ZNF431: variants seen among roughly 807,000 people sequenced by gnomAD.
ZNF431 encodes the protein zinc finger protein 431.
A neutral mutation model predicts 57.0 loss-of-function variants in ZNF431; 34 were observed. That is an observed-to-expected ratio of 0.60 (90% confidence interval 0.45 to 0.79). The LOEUF is 0.79. ZNF431 is among the 30% of genes least tolerant of loss of function. ZNF431 has a pLI of 0.00. For missense variants in ZNF431, 607 were observed against 667.1 expected, an observed-to-expected ratio of 0.91 and a Z score of 0.99; for synonymous variants, 207 against 220.3, an observed-to-expected ratio of 0.94 and a Z score of 0.54.
chr19:21,176,502 C>T (rs1470085530), intron 4 of ZNF431, among the ~76,000 whole-genome samples: 3 of 151,978 alleles, frequency 2.0e-5, no homozygotes, highest in Non-Finnish European at 2.9e-5. Context: ...CTCGGCCTCC[C>T]AAAGTGCTGG....
Position 21,190,839 on chromosome 19 carries a change from T to C in ZNF431, c.*6805T>C, listed in dbSNP as rs535518577. The C allele has an allele frequency of 2.0e-5, 3 of 152,150 alleles. No homozygotes were observed. The South Asian group carries it at 6.2e-4, about 32-fold the overall frequency. The allele number at this position is 152,150 out of a possible 1,614,324, so 9.4% of individuals were successfully genotyped here. On this transcript the variant is annotated 3_prime_UTR_variant, in exon 5 of 5. Coordinates refer to ENST00000311048, the MANE Select transcript of ZNF431 (RefSeq NM_133473.4). ...ACTGCGCCCAGCTAATTTTGTATTTTTAGTAGAGACGGGGTTTTTCTATAT... is the reference window on the plus strand; with the variant it reads ...ACTGCGCCCAGCTAATTTTGTATTTCTAGTAGAGACGGGGTTTTTCTATAT...
intron 2 of ZNF431, among the ~76,000 whole-genome samples, chr19:21,160,039 A>G (rs1970530827): frequency 7.0e-6 from 1 of 143,076 alleles, no homozygotes; most frequent in African/African-American, 2.6e-5. Context: ...AACAGCCTCT[A>G]TGAGGAGATT....
chr19:21,156,334 C>T (rs1390962595), intron 2 of ZNF431, among the ~76,000 whole-genome samples: 2 of 152,108 alleles, frequency 1.3e-5, no homozygotes, highest in African/African-American at 4.8e-5. Context: ...ACTCCTTGCA[C>T]CTACATTGCA....
chr19:21,167,504 G>A (rs1047992671), intron 3 of ZNF431, 67 bp from the exon 4 acceptor site: 1 of 1,176,742 alleles, frequency 8.5e-7, no homozygotes, highest in African/African-American at 1.6e-5. Flanking sequence ...TTTTTACTGA[G>A]CACAGTACTA....
chr19:21,176,345 A>C (rs1397965941), intron 4 of ZNF431, among the ~76,000 whole-genome samples: 1 of 150,740 alleles, frequency 6.6e-6, no homozygotes, highest in Non-Finnish European at 1.5e-5. Context: ...AGATCAAGCG[A>C]TTCTTCTGCC....
chr19:21,188,584 A>G lies in ZNF431; in HGVS notation c.*4550A>G, dbSNP rs1175217287. 1 of 152,178 alleles carries G rather than the reference A, an allele frequency of 6.6e-6. No individual in the cohort carries two copies. Among genetic ancestry groups the G allele is most frequent in the Non-Finnish European group, 1.5e-5 (1 of 68,030 alleles). The allele number at this position is 152,178 out of a possible 1,614,324, so 9.4% of individuals were successfully genotyped here. A position where few individuals can be genotyped will look rare whatever the true frequency, so the allele number is the denominator to read the frequency against. On this transcript the variant is annotated 3_prime_UTR_variant, in exon 5 of 5. Coordinates refer to ENST00000311048, the MANE Select transcript of ZNF431 (RefSeq NM_133473.4). ...TTTTGAAAAATAATGTCTTTTCTAT[A>G]TTGATTTTACAATTTGGAGAAATTT... is the stretch of plus-strand genomic sequence containing the variant.
In ZNF431 at chr19:21,195,956, C is replaced by A. The variant is rs1971597441; in HGVS notation, c.*11922C>A. 6.6e-6 allele frequency: 1 copy of A among 152,068 alleles called. No homozygotes were observed. The highest frequency in any genetic ancestry group is 2.1e-4 in the South Asian group (1 of 4,828). 9.4% of individuals were successfully genotyped at this position (152,068 alleles called of 1,614,324 possible). On this transcript the variant is annotated 3_prime_UTR_variant, in exon 5 of 5. Transcript: ENST00000311048. The stretch of plus-strand genomic sequence containing the variant: ...ATTCGTAAGTTGTGGTAGATATTAT[C>A]ATCAGTGTATTCATGATTCGATTTA...
Position 21,150,543 on chromosome 19 carries a change from A to C in ZNF431, c.96+6900A>C, listed in dbSNP as rs7248348. 1.5e-3 allele frequency: 263 copies of C among 175,040 alleles called. 2 individuals carry two copies. The highest frequency in any genetic ancestry group is 6.1e-3 in the African/African-American group (254 of 41,836). 10.8% of individuals were successfully genotyped at this position (175,040 alleles called of 1,614,324 possible). A position where few individuals can be genotyped will look rare whatever the true frequency, so the allele number is the denominator to read the frequency against. On this transcript the variant is annotated intron_variant, in intron 2 of 4. Coordinates refer to ENST00000311048, the MANE Select transcript of ZNF431 (RefSeq NM_133473.4). Reference sequence around the variant, plus strand: ...AGCATGTCGTTTTTATGGCCTAAAAAGTAAACAGAGCTGGAAAACAAAACA... The same window carrying C: ...AGCATGTCGTTTTTATGGCCTAAAACGTAAACAGAGCTGGAAAACAAAACA...
rs1183865789 is a variant in ZNF431, at chr19:21,149,990, AC to A, written c.96+6348del. On this transcript the variant is annotated intron_variant, in intron 2 of 4. Coordinates refer to ENST00000311048, the MANE Select transcript of ZNF431 (RefSeq NM_133473.4). ...ATCATGCGCAATCACCACCAGCTGA[AC>A]TTTCTTTTTCTCCACCAAGGTGGTG... The A allele has an allele frequency of 5.1e-6, 3 of 587,310 alleles. No homozygotes were observed. The African/African-American group carries it at 5.6e-5, about 11-fold the overall frequency. The allele number at this position is 587,310 out of a possible 1,614,324, so 36.4% of individuals were successfully genotyped here.
At chr19:21,142,712 A>C (rs1969976561) in intron 1 of ZNF431, among the ~76,000 whole-genome samples, 1 of 152,200 alleles carries the variant, frequency 6.6e-6, no homozygotes. Context: ...CTTTTATAAA[A>C]AGCATGATGA....
At chr19:21,166,510 T>C (rs928892855) in intron 3 of ZNF431, 49 bp downstream of exon 3, 12 of 1,527,344 alleles carry the variant, frequency 7.9e-6, no homozygotes, top group Admixed American at 7.1e-5. Context: ...AAATGTTTCA[T>C]GTCTCTTTTT....
intron 2 of ZNF431, among the ~76,000 whole-genome samples, chr19:21,164,482 T>C (rs1474916649): frequency 6.6e-6 from 1 of 152,114 alleles, no homozygotes; most frequent in African/African-American, 2.4e-5. Flanking sequence ...AGGAGAGAAA[T>C]GCATGGACTT....
chr19:21,166,270 A>C (rs1970717959), intron 2 of ZNF431, 65 bp from the exon 3 acceptor site: 2 of 1,571,010 alleles, frequency 1.3e-6, no homozygotes, highest in South Asian at 2.4e-5. Context: ...CCTTAATTCA[A>C]ATAATAAATT....
At chr19:21,154,256 G>A (rs1180640805) in intron 2 of ZNF431, among the ~76,000 whole-genome samples, 1 of 152,142 alleles carries the variant, frequency 6.6e-6, no homozygotes, top group African/African-American at 2.4e-5. Context: ...ACCTGTGAGT[G>A]AGAACATGCG....
At chr19:21,164,065 G>A (rs892285431) in intron 2 of ZNF431, among the ~76,000 whole-genome samples, 2 of 126,780 alleles carry the variant, frequency 1.6e-5, no homozygotes, top group African/African-American at 3.2e-5. Flanking sequence ...TGGTAAGAGC[G>A]TGAAACTCCA....
In ZNF431 at chr19:21,193,015, G is replaced by A. The variant is rs985137331; in HGVS notation, c.*8981G>A. 12 of 152,050 alleles carry A rather than the reference G, an allele frequency of 7.9e-5. No homozygotes were observed. Among genetic ancestry groups the A allele is most frequent in the African/African-American group, 2.9e-4 (12 of 41,402 alleles). The allele number at this position is 152,050 out of a possible 1,614,324, so 9.4% of individuals were successfully genotyped here. On this transcript the variant is annotated 3_prime_UTR_variant, in exon 5 of 5. Transcript: ENST00000311048. Reference sequence around the variant, plus strand: ...ATACAACTTTCCAGGATTAAACCAGGAAGGAACAGAACTCTTGAACAGGGC... The same window carrying A: ...ATACAACTTTCCAGGATTAAACCAGAAAGGAACAGAACTCTTGAACAGGGC...
At chr19:21,177,872 G>A (rs911303706) in intron 4 of ZNF431, among the ~76,000 whole-genome samples, 1 of 151,862 alleles carries the variant, frequency 6.6e-6, no homozygotes, top group Admixed American at 6.6e-5. Context: ...CTAATTCTGT[G>A]AAGAATGTTA....
At chr19:21,171,329 A>G (rs536240722) in intron 4 of ZNF431, among the ~76,000 whole-genome samples, 2 of 150,706 alleles carry the variant, frequency 1.3e-5, no homozygotes, top group African/African-American at 2.4e-5. Context: ...AATGTTGCAT[A>G]CCAGATTTTA....
At chr19:21,173,719 CT>C (rs1272517827) in intron 4 of ZNF431, among the ~76,000 whole-genome samples, 30 of 151,598 alleles carry the variant, frequency 2.0e-4, no homozygotes, top group African/African-American at 5.6e-4. Context: ...AGAGATGGGG[CT>C]TTCACAGTGT....
Sources: allele counts gnomAD v4.1 joint callset (sites outside exome capture counted in the v4.1 genomes callset), GRCh38; gene constraint gnomAD v4.1.1; transcripts MANE v1.5; gene names NCBI Gene and HGNC (gene_info 2026-07-23, HGNC 2026-07-21).